Variants in PHF3 observed in about 807,000 individuals in gnomAD.
PHF3 encodes PHD finger protein 3.
PHF3 carries 41 observed loss-of-function variants against 178.4 expected under a neutral mutation model. That is an observed-to-expected ratio of 0.23 (90% CI 0.18 to 0.30). The LOEUF (loss-of-function observed/expected upper bound fraction) is 0.30. Ranked by LOEUF, PHF3 falls within the 10% of genes least tolerant of loss-of-function variation. The probability of loss-of-function intolerance (pLI) is 1.00; values close to 1 mark genes in which losing one functional copy is unlikely to be tolerated. For missense variants in PHF3, 2,346 were observed against 2,398.1 expected (o/e 0.98, Z 0.45); for synonymous variants, 842 against 800.5 (o/e 1.05, Z -0.88).
Position 63,721,787 on chromosome 6 carries a change from T to TA in PHF3, c.*8085dup, listed in dbSNP as rs1240944758. 16 of 1,540,606 alleles carry TA rather than the reference T, an allele frequency of 1.0e-5. No homozygotes were observed. Among genetic ancestry groups the TA allele is most frequent in the East Asian group, 4.9e-5 (2 of 40,812 alleles). On this transcript the variant is annotated 3_prime_UTR_variant, in exon 16 of 16. Coordinates refer to ENST00000262043, the MANE Select transcript of PHF3 (RefSeq NM_001370348.2). ...CGGAACTATTTACTAAAGAGATGCA[T>TA]AAAAAATCACCTGCAAGAAAGCAAA...
intron 4 of PHF3, among the ~76,000 whole-genome samples, chr6:63,689,762 G>A (rs1326765638): frequency 6.6e-6 from 1 of 152,104 alleles, no homozygotes; most frequent in African/African-American, 2.4e-5. Flanking sequence ...AAATAAAAAT[G>A]TGAAAATTCC....
chr6:63,674,034 C>G (rs1766042523), intron 2 of PHF3, among the ~76,000 whole-genome samples: 1 of 151,934 alleles, frequency 6.6e-6, no homozygotes, highest in Admixed American at 6.6e-5. Context: ...GCTCTTTTGC[C>G]TTATACAAAG....
chr6:63,692,378 T>G (rs1264008162), intron 5 of PHF3, among the ~76,000 whole-genome samples: 10 of 152,174 alleles, frequency 6.6e-5, no homozygotes, highest in Admixed American at 6.5e-4. Flanking sequence ...TAAAAAAGCT[T>G]TTCAGTCCAT....
chr6:63,646,874 T>G (rs1764811541), intron 2 of PHF3, 79 bp downstream of exon 2: 1 of 1,031,312 alleles, frequency 9.7e-7, no homozygotes, highest in Non-Finnish European at 1.2e-6. Flanking sequence ...TTTTTCTTTT[T>G]TCTTTTTTTC....
rs368014626 is a variant in PHF3 at position 63,724,416 on chromosome 6, T to C, written c.*10708T>C. ...GGAAAGCAATGGTAATTTAAACTTA[T>C]TTATATATTTTTAATATAGTTTAAT... On this transcript the variant is annotated 3_prime_UTR_variant, in exon 16 of 16. Coordinates refer to ENST00000262043, the MANE Select transcript of PHF3 (RefSeq NM_001370348.2). Among the ~76,000 whole-genome samples, 56 of 141,320 alleles carry C rather than the reference T, an allele frequency of 4.0e-4. No homozygotes were observed. Among genetic ancestry groups the C allele is most frequent in the Middle Eastern group, 3.4e-3 (1 of 292 alleles). The allele number at this position is 141,320 out of a possible 152,430, so 92.7% of individuals were successfully genotyped here.
intron 2 of PHF3, among the ~76,000 whole-genome samples, chr6:63,673,058 T>C (rs1408848310): frequency 2.0e-5 from 3 of 152,202 alleles, no homozygotes; most frequent in Non-Finnish European, 4.4e-5. Flanking sequence ...TTCAAATTTA[T>C]TTCTCCTCAA....
intron 2 of PHF3, among the ~76,000 whole-genome samples, chr6:63,665,327 A>G (rs149936063): frequency 4.6e-5 from 7 of 152,204 alleles, no homozygotes; most frequent in African/African-American, 1.7e-4. Flanking sequence ...CATTTGTAGA[A>G]CATTTATTTT....
intron 9 of PHF3, among the ~76,000 whole-genome samples, chr6:63,700,815 C>T (rs1038151416): frequency 3.3e-5 from 5 of 152,156 alleles, no homozygotes; most frequent in African/African-American, 1.2e-4. Context: ...ATCTCCTGAC[C>T]TCATGATCCG....
At chr6:63,640,045 G>T (rs1764506774) in intron 1 of PHF3, among the ~76,000 whole-genome samples, 1 of 152,116 alleles carries the variant, frequency 6.6e-6, no homozygotes, top group African/African-American at 2.4e-5. Flanking sequence ...AGTTGTCTTT[G>T]TGCAGCAGAC....
chr6:63,678,773 G>A, intron 2 of PHF3: 1 of 441,274 alleles, frequency 2.3e-6, no homozygotes, highest in Non-Finnish European at 4.5e-6. Context: ...TCTTCAAAAA[G>A]ATTGTGTCAT....
chr6:63,712,563 A>C lies in PHF3; in HGVS notation c.4975A>C (p.Ser1659Arg). ...GGATCCTAGGCAAGCAGCAGGACGA[A>C]GTCAGCCTGTAACTACTTCAGAAAG... is the stretch of plus-strand genomic sequence containing the variant. The part of the protein sequence containing the change: ...KRDPRQAAGR[S>R]QPVTTSESKD... Residue 1659 changes from serine to arginine, a missense_variant, in exon 16 of 16, where the codon AGT becomes CGT. Around this residue, in one of 8 missense-constraint regions of PHF3, gnomAD observed 839 missense variants for 806.9 expected, o/e 1.04. Coordinates refer to ENST00000262043, the MANE Select transcript of PHF3 (RefSeq NM_001370348.2). 1 of 1,613,890 alleles carries C rather than the reference A, an allele frequency of 6.2e-7. No homozygotes were observed. Among genetic ancestry groups the C allele is most frequent in the Non-Finnish European group, 8.5e-7 (1 of 1,179,910 alleles).
Position 63,715,332 on chromosome 6 carries a change from T to G in PHF3, c.*1624T>G, listed in dbSNP as rs889026431. The G allele has an allele frequency of 5.3e-5, 8 of 152,188 alleles. No individual in the cohort carries two copies. The highest frequency in any genetic ancestry group is 8.8e-5 in the Non-Finnish European group (6 of 68,018). 9.4% of individuals were successfully genotyped at this position (152,188 alleles called of 1,614,324 possible). ...GTCCACTTTTCTTTTGGAAATTAACTTGTTAGAAAACAAAGTTAGTTCCCA... is the reference window on the plus strand; with the variant it reads ...GTCCACTTTTCTTTTGGAAATTAACGTGTTAGAAAACAAAGTTAGTTCCCA... On this transcript the variant is annotated 3_prime_UTR_variant, in exon 16 of 16. Coordinates refer to ENST00000262043, the MANE Select transcript of PHF3 (RefSeq NM_001370348.2).
chr6:63,662,806 T>C (rs1456239858), intron 2 of PHF3, among the ~76,000 whole-genome samples: 2 of 152,214 alleles, frequency 1.3e-5, no homozygotes, highest in African/African-American at 2.4e-5. Context: ...TTTCCTGAAG[T>C]ATGAGAATAT....
chr6:63,645,126 T>C (rs1764730872), intron 1 of PHF3, among the ~76,000 whole-genome samples: 1 of 152,072 alleles, frequency 6.6e-6, no homozygotes, highest in Non-Finnish European at 1.5e-5. Context: ...TCTAGTGATC[T>C]GCCCACTTCC....
At chr6:63,694,129 TA>T (rs1211853769) in intron 5 of PHF3, among the ~76,000 whole-genome samples, 9 of 152,216 alleles carry the variant, frequency 5.9e-5, no homozygotes, top group African/African-American at 2.2e-4. Context: ...GTTTTACTGG[TA>T]ATTCTTTGTG....
At chr6:63,648,530 C>T (rs1439311597) in intron 2 of PHF3, among the ~76,000 whole-genome samples, 1 of 152,094 alleles carries the variant, frequency 6.6e-6, no homozygotes. Flanking sequence ...ATTCCTACTT[C>T]CTGTCCTTTT....
chr6:63,685,161 A>G lies in PHF3; in HGVS notation c.1439A>G (p.Tyr480Cys), dbSNP rs1453597166. 6.2e-7 allele frequency: 1 copy of G among 1,614,028 alleles called. No homozygotes were observed. The highest frequency in any genetic ancestry group is 8.5e-7 in the Non-Finnish European group (1 of 1,180,004). Reference sequence around the variant, plus strand: ...AACAGCCAGTCAAGTAGCGTTTCTTACTTAGAGTCAAAAAGTGTAAAATCC... The same window carrying G: ...AACAGCCAGTCAAGTAGCGTTTCTTGCTTAGAGTCAAAAAGTGTAAAATCC... The part of the protein sequence containing the change: ...DRNSQSSSVS[Y>C]LESKSVKSKH... Residue 480 changes from tyrosine (Y) to cysteine (C), a missense_variant, in exon 4 of 16, where the codon TAC becomes TGC. Physicochemically the swap from Tyr to Cys is radical, Grantham distance 194 (BLOSUM62 -2). Coordinates refer to ENST00000262043, the MANE Select transcript of PHF3 (RefSeq NM_001370348.2).
intron 4 of PHF3, among the ~76,000 whole-genome samples, chr6:63,690,018 G>A (rs1325500339): frequency 1.3e-5 from 2 of 152,120 alleles, no homozygotes; most frequent in Non-Finnish European, 2.9e-5. Flanking sequence ...AAGCTACAAT[G>A]CTCATTACAA....
At chr6:63,659,732 T>C (rs1765388144) in intron 2 of PHF3, among the ~76,000 whole-genome samples, 1 of 152,326 alleles carries the variant, frequency 6.6e-6, no homozygotes, top group South Asian at 2.1e-4. Context: ...TCCAAAATGC[T>C]CCAATGAGCA....
Sources: gnomAD v4.1 joint callset for allele counts (sites outside exome capture counted in the v4.1 genomes callset) on GRCh38, gnomAD v4.1.1 for gene constraint, gnomAD v4.1.1 regional missense constraint, MANE v1.5 for transcripts, NCBI Gene and HGNC (gene_info 2026-07-23, HGNC 2026-07-21) for gene names.